The following RELN variants were observed in gnomAD, a reference collection of about 807,000 sequenced individuals.
The protein encoded by RELN is reelin.
In RELN, 108 loss-of-function variants were observed where a neutral mutation model predicts 427.6. That is an observed-to-expected ratio of 0.25 (90% CI 0.22 to 0.30). RELN has a LOEUF of 0.30. Ranked by LOEUF, RELN falls within the 10% of genes least tolerant of loss-of-function variation. The pLI, the probability that RELN is intolerant of heterozygous loss-of-function variation, is 1.00. For synonymous variants in RELN, 1,524 were observed against 1,513.4 expected, an observed-to-expected ratio of 1.01 and a Z score of -0.16; for missense variants, 3,715 against 4,302.8, an observed-to-expected ratio of 0.86 and a Z score of 3.82.
intron 33 of RELN, 111 bp from the exon 34 acceptor site, chr7:103,565,662 T>G: frequency 1.0e-6 from 1 of 978,230 alleles, no homozygotes; most frequent in Non-Finnish European, 1.6e-6. Context: ...GGCCTATCTT[T>G]AGTGCCCCCT....
intron 4 of RELN, among the ~76,000 whole-genome samples, chr7:103,765,254 G>C (rs1791400865): frequency 1.3e-5 from 2 of 152,154 alleles, no homozygotes; most frequent in Non-Finnish European, 2.9e-5. Context: ...TTGGAGCAAG[G>C]GCTCAGAGGA....
At chr7:103,898,007 TAAAC>T (rs1794999091) in intron 2 of RELN, among the ~76,000 whole-genome samples, 1 of 152,114 alleles carries the variant, frequency 6.6e-6, no homozygotes, top group South Asian at 2.1e-4. Flanking sequence ...TCATAGAAAA[TAAAC>T]AATGAGCATG....
At chr7:103,851,193 G>C (rs555553717) in intron 2 of RELN, among the ~76,000 whole-genome samples, 111 of 152,300 alleles carry the variant, frequency 7.3e-4, no homozygotes, top group African/African-American at 2.4e-3. Flanking sequence ...AGTGACCTGG[G>C]TGAGGTTGGA....
At chr7:103,534,826 T>G (rs1292199009) in intron 46 of RELN, among the ~76,000 whole-genome samples, 2 of 152,196 alleles carry the variant, frequency 1.3e-5, no homozygotes, top group Non-Finnish European at 2.9e-5. Flanking sequence ...CAGGTGATAA[T>G]TCTCAAGATA....
rs369307806 is a variant in RELN at position 103,500,772 on chromosome 7, T to C, written c.8640A>G (p.Pro2880=). The change falls in exon 53 of 65, where the codon CCA becomes CCG. Residue 2880 remains proline (P), a synonymous_variant. Coordinates refer to ENST00000428762, the MANE Select transcript of RELN (RefSeq NM_005045.4). ...QCICDPGYSG[P]NCYLTHTLKT... ...TCAGAGTGTGGGTCAAGTAGCAGTT[T>C]GGCCCTGAGTATCCCGGATCACAGA... 3.1e-6 allele frequency: 5 copies of C among 1,614,000 alleles called. No individual in the cohort carries two copies. The African/African-American group carries it at 4.0e-5, about 13-fold the overall frequency.
intron 3 of RELN, among the ~76,000 whole-genome samples, chr7:103,828,898 G>A (rs904761333): frequency 1.4e-4 from 21 of 152,000 alleles, no homozygotes; most frequent in South Asian, 2.1e-4. Context: ...TTTAATTTTC[G>A]TTGTATGACT....
intron 27 of RELN, among the ~76,000 whole-genome samples, chr7:103,590,306 G>A (rs2117240965): frequency 6.6e-6 from 1 of 152,272 alleles, no homozygotes; most frequent in African/African-American, 2.4e-5. Flanking sequence ...GCTCATGCCT[G>A]TAATCCCAGC....
rs1016181390 is a variant in RELN, at chr7:103,472,682, T to C, written c.*130A>G. The C allele has an allele frequency of 2.7e-6, 2 of 753,322 alleles. No individual in the cohort carries two copies. Among genetic ancestry groups the C allele is most frequent in the Non-Finnish European group, 4.7e-6 (2 of 428,632 alleles). The allele number at this position is 753,322 out of a possible 1,614,324, so 46.7% of individuals were successfully genotyped here. On this transcript the variant is annotated 3_prime_UTR_variant, in exon 65 of 65. Transcript: ENST00000428762. ...TGGGAAAGTGGTGTACACTCGGTCT[T>C]GAGAAGGGCTTTCAGGTAATCACCA...
At chr7:103,623,862 T>G (rs10246285) in intron 20 of RELN, among the ~76,000 whole-genome samples, 12 of 151,982 alleles carry the variant, frequency 7.9e-5, no homozygotes, top group African/African-American at 2.9e-4. Context: ...TTTTGGAAAA[T>G]TCTTTGAGTT....
intron 2 of RELN, among the ~76,000 whole-genome samples, chr7:103,884,982 A>G (rs182092274): frequency 1.1e-4 from 17 of 151,620 alleles, no homozygotes; most frequent in African/African-American, 4.2e-4. Context: ...ACATGCACAC[A>G]TATGTTTCTT....
intron 19 of RELN, among the ~76,000 whole-genome samples, chr7:103,635,050 A>G (rs1320142562): frequency 6.6e-6 from 1 of 151,908 alleles, no homozygotes; most frequent in Non-Finnish European, 1.5e-5. Context: ...TAGTAGAGAC[A>G]GGGTTTCACC....
In RELN at chr7:103,566,298, T is replaced by C; in HGVS notation, c.4862A>G (p.Tyr1621Cys). The C allele has an allele frequency of 1.2e-6, 2 of 1,614,110 alleles. No individual in the cohort carries two copies. Among genetic ancestry groups the C allele is most frequent in the Non-Finnish European group, 1.7e-6 (2 of 1,179,984 alleles). Reference sequence around the variant, plus strand: ...ATCAACTTGACCTCCTTGGATTCGATACCAGTTGGCTTGCAAATCTATAGA... The same window carrying C: ...ATCAACTTGACCTCCTTGGATTCGACACCAGTTGGCTTGCAAATCTATAGA... ...DGSIDLQANWYRIQGGQVDID... is the reference protein window; with the variant it reads ...DGSIDLQANWCRIQGGQVDID... The change falls in exon 33 of 65, where the codon TAT becomes TGT. Residue 1621 changes from tyrosine (Y) to cysteine (C), a missense_variant. Transcript: ENST00000428762.
chr7:103,855,035 G>T (rs1793911068), intron 2 of RELN, among the ~76,000 whole-genome samples: 1 of 152,198 alleles, frequency 6.6e-6, no homozygotes, highest in Non-Finnish European at 1.5e-5. Flanking sequence ...AGAATCAAAT[G>T]AATGTATCAA....
At chr7:103,615,288 T>C (rs1775694925) in intron 20 of RELN, among the ~76,000 whole-genome samples, 1 of 152,214 alleles carries the variant, frequency 6.6e-6, no homozygotes, top group South Asian at 2.1e-4. Flanking sequence ...TAGTAGGCCA[T>C]GACACTGGCC....
intron 2 of RELN, among the ~76,000 whole-genome samples, chr7:103,891,420 C>G (rs1449603328): frequency 2.6e-5 from 4 of 152,120 alleles, no homozygotes; most frequent in Non-Finnish European, 5.9e-5. Context: ...AGGCCCAATT[C>G]CAATGAGTGC....
chr7:103,890,719 C>A (rs10270086), intron 2 of RELN, among the ~76,000 whole-genome samples: 39,522 of 151,952 alleles, frequency 0.26, 5,853 homozygotes, highest in African/African-American at 0.39. Context: ...AAGCACCAGG[C>A]CATGGTAGGA....
chr7:103,682,019 A>C (rs1374625170), intron 11 of RELN, 97 bp downstream of exon 11: 2 of 1,163,914 alleles, frequency 1.7e-6, no homozygotes, highest in African/African-American at 1.5e-5. Flanking sequence ...TATTGATCTA[A>C]GTATGCTTTC....
chr7:103,589,853 A>G, intron 27 of RELN, 25 bp from the exon 28 acceptor site: 1 of 1,496,874 alleles, frequency 6.7e-7, no homozygotes, highest in Non-Finnish European at 9.3e-7. Flanking sequence ...GACAAGAATT[A>G]TACAAGATTT....
At chr7:103,582,626 CTGTAG>C (rs1421317031) in intron 28 of RELN, among the ~76,000 whole-genome samples, 3 of 152,090 alleles carry the variant, frequency 2.0e-5, no homozygotes, top group African/African-American at 7.2e-5. Context: ...CTACCAAAGG[CTGTAG>C]TGTAATTTTT....
Sources: gnomAD v4.1 joint callset for allele counts (sites outside exome capture counted in the v4.1 genomes callset) on GRCh38, gnomAD v4.1.1 for gene constraint, MANE v1.5 for transcripts, NCBI Gene and HGNC (gene_info 2026-07-23, HGNC 2026-07-21) for gene names.